The following NCK1 variants were observed in gnomAD, a reference collection of about 807,000 sequenced individuals.
NCK1 encodes SH2/SH3 adapter protein NCK1.
In NCK1, 19 loss-of-function variants were observed where a neutral mutation model predicts 36.6. The ratio of observed to expected loss-of-function variants is 0.52; its 90% CI spans 0.36 to 0.76. The LOEUF (loss-of-function observed/expected upper bound fraction) is 0.76. Ranked by LOEUF, NCK1 falls within the 30% of genes least tolerant of loss-of-function variation. NCK1 has a pLI of 0.00. For synonymous variants in NCK1, 165 were observed against 156.0 expected (o/e 1.06, Z -0.43); for missense variants, 358 against 445.6 (o/e 0.80, Z 1.77).
At chr3:136,933,917 A>G (rs1258865324) in intron 2 of NCK1, among the ~76,000 whole-genome samples, 2 of 152,074 alleles carry the variant, frequency 1.3e-5, no homozygotes, top group East Asian at 3.9e-4. Flanking sequence ...CATGTTGGCC[A>G]GGCATGTCTC....
chr3:136,930,165 G>T (rs1940354904), intron 2 of NCK1, among the ~76,000 whole-genome samples: 1 of 152,066 alleles, frequency 6.6e-6, no homozygotes, highest in Non-Finnish European at 1.5e-5. Context: ...TAAATATCCG[G>T]TGTAATTAAT....
intron 2 of NCK1, among the ~76,000 whole-genome samples, chr3:136,929,564 G>A (rs138201494): frequency 1.3e-5 from 2 of 152,148 alleles, no homozygotes; most frequent in African/African-American, 4.8e-5. Flanking sequence ...GAAGAGACCA[G>A]GGTTAGAATC....
intron 1 of NCK1, among the ~76,000 whole-genome samples, chr3:136,893,190 A>ATTTTCTT (rs1553793945): frequency 8.1e-6 from 1 of 123,176 alleles, no homozygotes; most frequent in Non-Finnish European, 1.7e-5. Flanking sequence ...ATATATATAT[A>ATTTTCTT]TACACACATG....
intron 1 of NCK1, among the ~76,000 whole-genome samples, chr3:136,876,780 G>A (rs1040752921): frequency 2.0e-5 from 3 of 152,050 alleles, no homozygotes; most frequent in African/African-American, 4.8e-5. Context: ...GAGAATTTAC[G>A]AATCAGTGTA....
Position 136,930,447 on chromosome 3 carries a change from G to A in NCK1, c.226+2220G>A, listed in dbSNP as rs1940361786. On this transcript the variant is annotated intron_variant, in intron 2 of 3. Coordinates refer to ENST00000481752, the MANE Select transcript of NCK1 (RefSeq NM_001291999.2). ...TTTCTATTGCCTGGGTGTGGGCCAGGTCACATGGATTGGGTGTGGGAAGTT... is the reference window on the plus strand; with the variant it reads ...TTTCTATTGCCTGGGTGTGGGCCAGATCACATGGATTGGGTGTGGGAAGTT... The A allele has an allele frequency of 3.2e-6, 4 of 1,247,670 alleles. No homozygotes were observed. The Admixed American group carries it at 1.6e-4, about 51-fold the overall frequency. The allele number at this position is 1,247,670 out of a possible 1,614,324, so 77.3% of individuals were successfully genotyped here. A position where few individuals can be genotyped will look rare whatever the true frequency, so the allele number is the denominator to read the frequency against.
At chr3:136,908,312 A>C (rs932320435) in intron 1 of NCK1, among the ~76,000 whole-genome samples, 1 of 152,360 alleles carries the variant, frequency 6.6e-6, no homozygotes. Context: ...AGTTTTTAAA[A>C]ATATTAGAAC....
rs1282962800 is a variant in NCK1, at chr3:136,869,239, C to CA, written c.-19+6899dup. Among the ~76,000 whole-genome samples, 432 of 142,782 alleles carry CA rather than the reference C, an allele frequency of 3.0e-3. 3 individuals carry two copies. The highest frequency in any genetic ancestry group is 8.5e-3 in the African/African-American group (330 of 38,940). The allele number at this position is 142,782 out of a possible 152,430, so 93.7% of individuals were successfully genotyped here. A position where few individuals can be genotyped will look rare whatever the true frequency, so the allele number is the denominator to read the frequency against. On this transcript the variant is annotated intron_variant, in intron 1 of 3. Transcript: ENST00000481752. The stretch of plus-strand genomic sequence containing the variant: ...TGGGTAACAGAGCAAGACTCTGTCT[C>CA]AAAAAAAAAAAAATTTTATTTGTTC...
At chr3:136,879,150 G>A (rs1383519427) in intron 1 of NCK1, among the ~76,000 whole-genome samples, 1 of 148,736 alleles carries the variant, frequency 6.7e-6, no homozygotes, top group Non-Finnish European at 1.5e-5. Context: ...AGGCTCAGTA[G>A]AACAGTCAAT....
At chr3:136,863,558 T>C (rs934381934) in intron 1 of NCK1, among the ~76,000 whole-genome samples, 15 of 152,232 alleles carry the variant, frequency 9.9e-5, no homozygotes, top group African/African-American at 3.6e-4. Flanking sequence ...CACTGGTTGA[T>C]AAATGGTGCT....
rs1467068295 is a variant in NCK1 at position 136,949,694 on chromosome 3, A to C, written c.*1241A>C. 6.6e-6 allele frequency: 1 copy of C among 152,026 alleles called. No homozygotes were observed. Among genetic ancestry groups the C allele is most frequent in the Non-Finnish European group, 1.5e-5 (1 of 67,902 alleles). The allele number at this position is 152,026 out of a possible 1,614,324, so 9.4% of individuals were successfully genotyped here. ...TTTAATTGAAAAATACTAAAGCCAC[A>C]TAACTGAGTAGGATGTCGTATGATA... On this transcript the variant is annotated 3_prime_UTR_variant, in exon 4 of 4. Coordinates refer to ENST00000481752, the MANE Select transcript of NCK1 (RefSeq NM_001291999.2).
intron 2 of NCK1, among the ~76,000 whole-genome samples, chr3:136,938,048 G>A (rs1191539052): frequency 1.3e-5 from 2 of 152,094 alleles, no homozygotes; most frequent in African/African-American, 4.8e-5. Flanking sequence ...GTTTTTTGCA[G>A]ATGCCCTTTA....
At chr3:136,887,191 G>C (rs1939096287) in intron 1 of NCK1, among the ~76,000 whole-genome samples, 1 of 152,096 alleles carries the variant, frequency 6.6e-6, no homozygotes, top group South Asian at 2.1e-4. Flanking sequence ...AGGTTTCACT[G>C]TGTTTTCCAG....
At chr3:136,890,146 G>A (rs1295150079) in intron 1 of NCK1, among the ~76,000 whole-genome samples, 2 of 152,198 alleles carry the variant, frequency 1.3e-5, no homozygotes, top group East Asian at 3.9e-4. Flanking sequence ...CTGCCCCACG[G>A]GGAGGCAGCT....
chr3:136,919,765 G>A (rs879923285), intron 1 of NCK1, among the ~76,000 whole-genome samples: 16 of 152,022 alleles, frequency 1.1e-4, no homozygotes, highest in Admixed American at 2.0e-4. Flanking sequence ...GTGTATATAG[G>A]TCATGATAAA....
At chr3:136,900,028 C>G in intron 1 of NCK1, 1 of 617,140 alleles carries the variant, frequency 1.6e-6, no homozygotes, top group Non-Finnish European at 3.0e-6. Context: ...TCAGAGTCGC[C>G]AAACTGTGAG....
chr3:136,893,935 C>T (rs1204240099), intron 1 of NCK1, among the ~76,000 whole-genome samples: 1 of 152,172 alleles, frequency 6.6e-6, no homozygotes, highest in African/African-American at 2.4e-5. Flanking sequence ...TTTCGGCTTT[C>T]ATCCTTGTGG....
At chr3:136,895,180 A>AT (rs886203242) in intron 1 of NCK1, among the ~76,000 whole-genome samples, 4 of 151,946 alleles carry the variant, frequency 2.6e-5, no homozygotes, top group East Asian at 3.9e-4. Flanking sequence ...CAGCAAGCTG[A>AT]TTTTTTTTGA....
chr3:136,899,544 G>C lies in NCK1; in HGVS notation c.-18-28440G>C. ...TTCACCAGTTGCCAAGTCTGGTTTG[G>C]TGTTATTAGCACTATTGCCATCACT... On this transcript the variant is annotated intron_variant, in intron 1 of 3. Coordinates refer to ENST00000481752, the MANE Select transcript of NCK1 (RefSeq NM_001291999.2). 1.2e-5 allele frequency: 6 copies of C among 517,316 alleles called. No homozygotes were observed. In the South Asian group the frequency reaches 1.2e-4, roughly 10 times the overall value. 32.0% of individuals were successfully genotyped at this position (517,316 alleles called of 1,614,324 possible).
At chr3:136,877,565 G>A (rs1467449872) in intron 1 of NCK1, among the ~76,000 whole-genome samples, 1 of 152,162 alleles carries the variant, frequency 6.6e-6, no homozygotes, top group African/African-American at 2.4e-5. Context: ...AAAGATGGCT[G>A]AGTGAAAGAC....
Sources: allele counts gnomAD v4.1 joint callset (sites outside exome capture counted in the v4.1 genomes callset), GRCh38; gene constraint gnomAD v4.1.1; transcripts MANE v1.5; gene names NCBI Gene and HGNC (gene_info 2026-07-23, HGNC 2026-07-21).